The following WNT2B variants were observed in gnomAD, a reference collection of about 807,000 sequenced individuals.
WNT2B encodes protein Wnt-2b.
A neutral mutation model predicts 40.5 loss-of-function variants in WNT2B; 19 were observed. The observed-to-expected ratio is 0.47, with a 90% CI of 0.33 to 0.69. WNT2B has a LOEUF of 0.69. Ranked by LOEUF, WNT2B falls within the 30% of genes least tolerant of loss-of-function variation. The pLI is 0.02. For synonymous variants in WNT2B, 220 were observed against 211.9 expected, an observed-to-expected ratio of 1.04 and a Z score of -0.33; for missense variants, 467 against 556.4, an observed-to-expected ratio of 0.84 and a Z score of 1.62.
At chr1:112,495,485 A>G (rs1286331534) in intron 1 of WNT2B, among the ~76,000 whole-genome samples, 1 of 151,966 alleles carries the variant, frequency 6.6e-6, no homozygotes, top group African/African-American at 2.4e-5. Flanking sequence ...GCTACTAGGG[A>G]GGCTGAGGCA....
intron 1 of WNT2B, among the ~76,000 whole-genome samples, chr1:112,482,179 A>C (rs1477819823): frequency 1.3e-5 from 2 of 151,178 alleles, no homozygotes; most frequent in African/African-American, 4.9e-5. Flanking sequence ...GGCTAATTTA[A>C]ACGGTGGTGC....
intron 1 of WNT2B, among the ~76,000 whole-genome samples, chr1:112,496,827 C>T (rs373703285): frequency 6.6e-6 from 1 of 152,016 alleles, no homozygotes. Context: ...CTCGAACTCA[C>T]GACCTCCGGT....
rs1653878300 is a variant in WNT2B at position 112,528,804 on chromosome 1, T to C, written c.*8295T>C. 1 of 152,220 alleles carries C rather than the reference T, an allele frequency of 6.6e-6. No homozygotes were observed. 9.4% of individuals were successfully genotyped at this position (152,220 alleles called of 1,614,324 possible). On this transcript the variant is annotated 3_prime_UTR_variant, in exon 5 of 5. Transcript: ENST00000369684. ...TGAATTTTTGCAGCTAGCAGATTTATCGTATCTGAGGCCATAGTGAATAGA... is the reference window on the plus strand; with the variant it reads ...TGAATTTTTGCAGCTAGCAGATTTACCGTATCTGAGGCCATAGTGAATAGA...
Position 112,515,220 on chromosome 1 carries a change from T to C in WNT2B, c.403+126T>C. On this transcript the variant is annotated intron_variant, in intron 2 of 4. Transcript: ENST00000369684. This position sits in a 1 kb window ranked among gnomAD's most constrained non-coding sequence, Gnocchi z 4.4. ...TGTTTCATCATCAGAGAAAGAACTG[T>C]GGGCAGAGCCCAGGATATAATTGGG... 2 of 1,149,644 alleles carry C rather than the reference T, an allele frequency of 1.7e-6. No individual in the cohort carries two copies. Among genetic ancestry groups the C allele is most frequent in the Non-Finnish European group, 2.5e-6 (2 of 809,634 alleles). The allele number at this position is 1,149,644 out of a possible 1,614,324, so 71.2% of individuals were successfully genotyped here.
intron 4 of WNT2B, chr1:112,518,409 T>C (rs1652682243): frequency 6.6e-6 from 1 of 152,232 alleles, no homozygotes; most frequent in Admixed American, 6.5e-5. Flanking sequence ...CACCCATCAC[T>C]GTCATTCCTG....
Position 112,515,092 on chromosome 1 carries a change from GAAGT to G in WNT2B, c.403+2_403+5del. Reference sequence around the variant, plus strand: ...ACCGTCTTTGGCCGTGTCATGCTCAGAAGTAAGAGCCTCTTCCATCCTGTGTCAG... The same window carrying G: ...ACCGTCTTTGGCCGTGTCATGCTCAGAAGAGCCTCTTCCATCCTGTGTCAG... On this transcript the variant is annotated splice_donor_variant and coding_sequence_variant, in exon 2 of 5. Coordinates refer to ENST00000369684, the MANE Select transcript of WNT2B (RefSeq NM_024494.3). LOFTEE classifies it high-confidence loss of function. The surrounding 1 kb of genome is among the most constrained non-coding windows in gnomAD (Gnocchi z 4.4). The G allele has an allele frequency of 6.2e-7, 1 of 1,613,880 alleles. No homozygotes were observed. Among genetic ancestry groups the G allele is most frequent in the Non-Finnish European group, 8.5e-7 (1 of 1,179,864 alleles).
intron 1 of WNT2B, among the ~76,000 whole-genome samples, chr1:112,474,238 C>T (rs534400818): frequency 3.3e-5 from 5 of 152,014 alleles, no homozygotes; most frequent in South Asian, 2.1e-4. Context: ...CTCCGCCTCC[C>T]GGGTTCAAGC....
chr1:112,527,776 T>C lies in WNT2B; in HGVS notation c.*7267T>C, dbSNP rs995317242. ...AGCTAGAGGGTTAACTCCTTCCCAA[T>C]TGTAGGGATCTATTCAGCAGGCTGC... On this transcript the variant is annotated 3_prime_UTR_variant, in exon 5 of 5. Coordinates refer to ENST00000369684, the MANE Select transcript of WNT2B (RefSeq NM_024494.3). The C allele has an allele frequency of 1.3e-5, 2 of 152,270 alleles. No homozygotes were observed. 9.4% of individuals were successfully genotyped at this position (152,270 alleles called of 1,614,324 possible). A position where few individuals can be genotyped will look rare whatever the true frequency, so the allele number is the denominator to read the frequency against.
At position 112,509,348 on chromosome 1, in the gene WNT2B, C is replaced by T; in HGVS notation, c.86C>T (p.Ala29Val). The T allele has an allele frequency of 1.9e-6, 3 of 1,593,562 alleles. No homozygotes were observed. The highest frequency in any genetic ancestry group is 2.3e-4 in the Middle Eastern group (1 of 4,438). The change falls in exon 1 of 5, where the codon GCC (alanine) becomes GTC (valine). Residue 29 changes from alanine to valine, a missense_variant. Transcript: ENST00000369684. The surrounding 1 kb of genome is among the most constrained non-coding windows in gnomAD (Gnocchi z 4.2). ...SAPVPVPSPA[A>V]PDGSRASARL... is the part of the protein sequence containing the mutation. ...CCGGTCCCTGTGCCGTCGCCCGCGG[C>T]CCCCGACGGCTCCCGGGCTTCGGCC...
rs1360186788 is a variant in WNT2B at position 112,509,267 on chromosome 1, T to A, written c.5T>A (p.Leu2Gln). The part of the protein sequence containing the change: M[L>Q]RPGGAEEAAQ... ...GGCGGGAGTCTTCGGGGAGCTATGC[T>A]GAGACCGGGTGGTGCGGAGGAAGCT... The change falls in exon 1 of 5, where the codon CTG (leucine) becomes CAG (glutamine). Residue 2 changes from leucine (L) to glutamine (Q), a missense_variant. Leu to Gln is a moderately radical substitution (Grantham distance 113). This residue lies in a region of WNT2B where 137 missense variants were observed against 117.7 expected (regional missense o/e 1.16). Transcript: ENST00000369684. This position sits in a 1 kb window ranked among gnomAD's most constrained non-coding sequence, Gnocchi z 4.2. The A allele has an allele frequency of 6.5e-7, 1 of 1,529,398 alleles. No individual in the cohort carries two copies. Among genetic ancestry groups the A allele is most frequent in the East Asian group, 2.5e-5 (1 of 39,640 alleles). 94.7% of individuals were successfully genotyped at this position (1,529,398 alleles called of 1,614,324 possible).
rs768581492 is a variant in WNT2B, at chr1:112,527,494, T to C, written c.*6985T>C. On this transcript the variant is annotated 3_prime_UTR_variant, in exon 5 of 5. Transcript: ENST00000369684. Reference sequence around the variant, plus strand: ...CAGCCCCATGAGGCCACACACCAGATGGAGGGGATAAAAGTACGAGGTCAT... The same window carrying C: ...CAGCCCCATGAGGCCACACACCAGACGGAGGGGATAAAAGTACGAGGTCAT... 1 of 152,788 alleles carries C rather than the reference T, an allele frequency of 6.5e-6. No homozygotes were observed. The highest frequency in any genetic ancestry group is 1.5e-5 in the Non-Finnish European group (1 of 68,096). 9.5% of individuals were successfully genotyped at this position (152,788 alleles called of 1,614,324 possible). A position where few individuals can be genotyped will look rare whatever the true frequency, so the allele number is the denominator to read the frequency against.
At chr1:112,466,650 A>G (rs1650718367) in exon 1 of WNT2B, 1 of 152,206 alleles carries the variant, frequency 6.6e-6, no homozygotes, top group African/African-American at 2.4e-5. Flanking sequence ...AGCTATTAGT[A>G]TTATGTAGCT....
chr1:112,486,158 C>CACACACACACA (rs56037560), intron 1 of WNT2B, among the ~76,000 whole-genome samples: 2 of 151,286 alleles, frequency 1.3e-5, no homozygotes, highest in South Asian at 2.1e-4. Flanking sequence ...CACACACACA[C>CACACACACACA]CAGGCTGGGT....
At chr1:112,510,657 C>A (rs1652317716) in intron 1 of WNT2B, among the ~76,000 whole-genome samples, 1 of 152,070 alleles carries the variant, frequency 6.6e-6, no homozygotes, top group South Asian at 2.1e-4. Context: ...CTTATCCCAA[C>A]CCCCACCCCC....
chr1:112,501,538 T>G (rs759278999), intron 1 of WNT2B, among the ~76,000 whole-genome samples: 18 of 152,256 alleles, frequency 1.2e-4, no homozygotes, highest in Non-Finnish European at 2.2e-4. Flanking sequence ...TGTATCAGCA[T>G]GGACTCATGG....
intron 1 of WNT2B, among the ~76,000 whole-genome samples, chr1:112,473,652 T>C (rs1486409244): frequency 1.3e-5 from 2 of 151,756 alleles, no homozygotes; most frequent in Non-Finnish European, 2.9e-5. Context: ...GAAAAATATT[T>C]GAACAAACAA....
At chr1:112,495,695 C>A (rs556270355) in intron 1 of WNT2B, among the ~76,000 whole-genome samples, 1 of 152,056 alleles carries the variant, frequency 6.6e-6, no homozygotes, top group South Asian at 2.1e-4. Flanking sequence ...AACAATAAGA[C>A]CCAACAATAT....
At chr1:112,474,433 C>T (rs2101050529) in intron 1 of WNT2B, among the ~76,000 whole-genome samples, 1 of 152,294 alleles carries the variant, frequency 6.6e-6, no homozygotes, top group South Asian at 2.1e-4. Flanking sequence ...CAGGCGTAAG[C>T]CACCATGCCT....
chr1:112,508,869 T>G, upstream of WNT2B: 1 of 1,008,428 alleles, frequency 9.9e-7, no homozygotes, highest in Non-Finnish European at 1.2e-6. This position sits in a 1 kb window ranked among gnomAD's most constrained non-coding sequence, Gnocchi z 4.2. Context: ...GCCCCGGGCT[T>G]GGCGCGGGCG....
Sources: allele counts gnomAD v4.1 joint callset (sites outside exome capture counted in the v4.1 genomes callset), GRCh38; gene constraint gnomAD v4.1.1; regional missense constraint gnomAD v4.1.1; non-coding constraint Gnocchi (gnomAD v3.1); transcripts MANE v1.5; gene names NCBI Gene and HGNC (gene_info 2026-07-23, HGNC 2026-07-21).